The following EPHA5 variants were observed in gnomAD, a reference collection of about 807,000 sequenced individuals.
The protein encoded by EPHA5 is ephrin type-A receptor 5.
In EPHA5, 60 loss-of-function variants were observed where a neutral mutation model predicts 105.0. The observed-to-expected ratio is 0.57, with a 90% confidence interval of 0.46 to 0.71. The LOEUF is 0.71. EPHA5 is among the 30% of genes least tolerant of loss of function. The pLI is 0.00. For missense variants in EPHA5, 1,218 were observed against 1,274.7 expected, an observed-to-expected ratio of 0.96 and a Z score of 0.68; for synonymous variants, 513 against 449.1, an observed-to-expected ratio of 1.14 and a Z score of -1.80.
chr4:65,503,785 A>T (rs1732723927), intron 3 of EPHA5, among the ~76,000 whole-genome samples: 1 of 151,694 alleles, frequency 6.6e-6, no homozygotes, highest in South Asian at 2.1e-4. Flanking sequence ...GTTGTGTGGC[A>T]ATCACTTATA....
intron 2 of EPHA5, among the ~76,000 whole-genome samples, chr4:65,619,694 T>C (rs1745542929): frequency 1.3e-5 from 2 of 152,016 alleles, no homozygotes; most frequent in African/African-American, 2.4e-5. Context: ...GCCAGAGAAA[T>C]ACTGAGTCTC....
chr4:65,658,830 T>G (rs1749291998), intron 1 of EPHA5, among the ~76,000 whole-genome samples: 1 of 152,108 alleles, frequency 6.6e-6, no homozygotes, highest in African/African-American at 2.4e-5. Flanking sequence ...TTGGCTTTGA[T>G]ACTAGTTCTA....
At chr4:65,437,360 C>G (rs940397724) in intron 5 of EPHA5, among the ~76,000 whole-genome samples, 11 of 151,910 alleles carry the variant, frequency 7.2e-5, no homozygotes, top group African/African-American at 2.7e-4. Context: ...GGAAAACTTC[C>G]CAAATAGGCC....
In EPHA5 at chr4:65,320,869, G is replaced by A. The variant is rs1376557375; in HGVS notation, c.*3245C>T. ...CACACTTAAGTTTAGATAAAATATTGGAATATAATTTTTACAGTAATCTTA... is the reference window on the plus strand; with the variant it reads ...CACACTTAAGTTTAGATAAAATATTAGAATATAATTTTTACAGTAATCTTA... On this transcript the variant is annotated 3_prime_UTR_variant, in exon 17 of 17. Transcript: ENST00000613740. 2 of 229,878 alleles carry A rather than the reference G, an allele frequency of 8.7e-6. No individual in the cohort carries two copies. Among genetic ancestry groups the A allele is most frequent in the African/African-American group, 4.4e-5 (2 of 45,078 alleles). The allele number at this position is 229,878 out of a possible 1,614,324, so 14.2% of individuals were successfully genotyped here.
chr4:65,396,090 C>T (rs959420804), intron 8 of EPHA5, among the ~76,000 whole-genome samples: 5 of 152,218 alleles, frequency 3.3e-5, no homozygotes, highest in Admixed American at 1.3e-4. Flanking sequence ...GACTCCCTGC[C>T]CCTGTAGGCT....
intron 3 of EPHA5, among the ~76,000 whole-genome samples, chr4:65,514,383 C>T (rs1733904825): frequency 1.3e-5 from 2 of 152,258 alleles, no homozygotes; most frequent in Admixed American, 6.5e-5. Flanking sequence ...GCCTAAATTC[C>T]TTGTGACTTG....
At chr4:65,370,817 T>C (rs1718388707) in intron 8 of EPHA5, among the ~76,000 whole-genome samples, 1 of 152,124 alleles carries the variant, frequency 6.6e-6, no homozygotes, top group Admixed American at 6.6e-5. Context: ...TACGGCTGCA[T>C]ATCACATTAA....
At chr4:65,414,082 G>A (rs958033572) in intron 7 of EPHA5, among the ~76,000 whole-genome samples, 3 of 152,178 alleles carry the variant, frequency 2.0e-5, no homozygotes, top group Non-Finnish European at 4.4e-5. Flanking sequence ...AAGACTGAAT[G>A]CAATGAGGAG....
At chr4:65,506,757 C>A (rs1042002631) in intron 3 of EPHA5, among the ~76,000 whole-genome samples, 3 of 151,332 alleles carry the variant, frequency 2.0e-5, no homozygotes, top group African/African-American at 4.8e-5. Context: ...AGTTCATTGT[C>A]GATTCTGGAT....
At chr4:65,489,744 C>T (rs540945988) in intron 5 of EPHA5, among the ~76,000 whole-genome samples, 25 of 152,248 alleles carry the variant, frequency 1.6e-4, no homozygotes, top group Admixed American at 1.4e-3. Context: ...AGCTCAGACA[C>T]GACTGTATTC....
chr4:65,586,351 T>A (rs1441116175), intron 3 of EPHA5, among the ~76,000 whole-genome samples: 1 of 151,766 alleles, frequency 6.6e-6, no homozygotes, highest in Non-Finnish European at 1.5e-5. Context: ...TTAAGTTCAT[T>A]GTGATTTTTT....
At chr4:65,418,413 T>C (rs1723598209) in intron 6 of EPHA5, among the ~76,000 whole-genome samples, 1 of 152,188 alleles carries the variant, frequency 6.6e-6, no homozygotes, top group Non-Finnish European at 1.5e-5. Flanking sequence ...GAAAGTTTAA[T>C]GTCACTATAT....
chr4:65,350,251 A>T (rs1208550496), intron 13 of EPHA5, among the ~76,000 whole-genome samples: 1 of 152,102 alleles, frequency 6.6e-6, no homozygotes, highest in Non-Finnish European at 1.5e-5. Flanking sequence ...GAGGAAGGAT[A>T]TCCCCCTAAA....
At chr4:65,562,820 G>T (rs977281577) in intron 3 of EPHA5, among the ~76,000 whole-genome samples, 3 of 151,896 alleles carry the variant, frequency 2.0e-5, no homozygotes, top group Admixed American at 6.6e-5. Context: ...AAAAAAATTA[G>T]CCAGGTGTGG....
rs869149037 is a variant in EPHA5, at chr4:65,640,282, C to CTTTTTTTT, written c.246+3073_246+3080dup. On this transcript the variant is annotated intron_variant, in intron 2 of 16. Transcript: ENST00000613740. ...CATTGAAGTCATTGCTCAGTTTTTT[C>CTTTTTTTT]TTTTTTTTTTTTTTTTTTTTTGAGA... Among the ~76,000 whole-genome samples the CTTTTTTTT allele has an allele frequency of 6.0e-4, 55 of 92,226 alleles. 1 individual carries two copies. The highest frequency in any genetic ancestry group is 7.1e-4 in the Non-Finnish European group (36 of 51,046). The allele number at this position is 92,226 out of a possible 152,430, so 60.5% of individuals were successfully genotyped here.
intron 3 of EPHA5, among the ~76,000 whole-genome samples, chr4:65,555,594 T>C (rs1738356214): frequency 7.1e-6 from 1 of 141,016 alleles, no homozygotes; most frequent in African/African-American, 3.2e-5. Flanking sequence ...TCTCCAAAGT[T>C]ACTAGTTTTG....
intron 5 of EPHA5, among the ~76,000 whole-genome samples, chr4:65,475,322 T>G (rs1729688537): frequency 6.6e-6 from 1 of 152,196 alleles, no homozygotes; most frequent in African/African-American, 2.4e-5. Context: ...TGTGAATGCA[T>G]GGCAATCAAT....
chr4:65,660,625 T>C (rs776954842), intron 1 of EPHA5, among the ~76,000 whole-genome samples: 26 of 152,150 alleles, frequency 1.7e-4, no homozygotes, highest in Non-Finnish European at 5.9e-5. Flanking sequence ...GATGTACCTT[T>C]ACATCTTCAT....
chr4:65,389,726 T>C (rs1720513342), intron 8 of EPHA5, among the ~76,000 whole-genome samples: 1 of 151,970 alleles, frequency 6.6e-6, no homozygotes, highest in Non-Finnish European at 1.5e-5. Context: ...TTCTCCAACA[T>C]CAGAGGCATT....
Sources: gnomAD v4.1 joint callset for allele counts (sites outside exome capture counted in the v4.1 genomes callset) on GRCh38, gnomAD v4.1.1 for gene constraint, MANE v1.5 for transcripts, NCBI Gene and HGNC (gene_info 2026-07-23, HGNC 2026-07-21) for gene names.